TMF1: variants seen among roughly 807,000 people sequenced by gnomAD.
The protein encoded by TMF1 is TATA element modulatory factor 1.
A neutral mutation model predicts 126.5 loss-of-function variants in TMF1; 71 were observed. The observed-to-expected ratio is 0.56, with a 90% CI of 0.46 to 0.68. The LOEUF (loss-of-function observed/expected upper bound fraction) is 0.68. TMF1 is among the 30% of genes least tolerant of loss of function. The probability of loss-of-function intolerance (pLI) is 0.00; values close to 1 mark genes in which losing one functional copy is unlikely to be tolerated. For synonymous variants in TMF1, 461 were observed against 430.5 expected (o/e 1.07, Z -0.88); for missense variants, 1,259 against 1,253.2 (o/e 1.00, Z -0.07).
chr3:69,045,443 A>G (rs2091890278), intron 2 of TMF1, among the ~76,000 whole-genome samples: 1 of 151,816 alleles, frequency 6.6e-6, no homozygotes, highest in Admixed American at 6.6e-5. Flanking sequence ...AGCCTGGGTG[A>G]CAAGAGTGAA....
At chr3:69,036,250 C>G (rs571425605) in intron 8 of TMF1, among the ~76,000 whole-genome samples, 1 of 146,650 alleles carries the variant, frequency 6.8e-6, no homozygotes, top group Non-Finnish European at 1.5e-5. Context: ...CTATCATTTA[C>G]GTAAAAAGGA....
intron 4 of TMF1, 27 bp downstream of exon 4, chr3:69,043,719 TTTAA>T: frequency 6.4e-6 from 10 of 1,572,098 alleles, no homozygotes; most frequent in Non-Finnish European, 8.7e-6. Context: ...CTCTATAGAG[TTTAA>T]TTAATATTAC....
chr3:69,026,222 A>C, intron 13 of TMF1, 125 bp from the exon 14 acceptor site: 1 of 571,566 alleles, frequency 1.7e-6, no homozygotes, highest in Middle Eastern at 2.8e-4. Flanking sequence ...ACTACAAAGG[A>C]ATTCAATACA....
At chr3:69,023,504 GA>G (rs368236966) in intron 16 of TMF1, among the ~76,000 whole-genome samples, 184 bp from the exon 17 acceptor site, 6 of 151,858 alleles carry the variant, frequency 4.0e-5, no homozygotes, top group Non-Finnish European at 8.8e-5. Context: ...AGGAATTAAA[GA>G]AAAAAACCAA....
Position 69,021,254 on chromosome 3 carries a change from T to A in TMF1, c.*1923A>T, listed in dbSNP as rs570504697. 1.5e-4 allele frequency: 23 copies of A among 152,756 alleles called. No homozygotes were observed. Among genetic ancestry groups the A allele is most frequent in the African/African-American group, 4.6e-4 (19 of 41,574 alleles). 9.5% of individuals were successfully genotyped at this position (152,756 alleles called of 1,614,324 possible). ...GGTATATATGTATAGGAAAAAACAG[T>A]GTATAGAGGTGTCTATACTATCCAT... On this transcript the variant is annotated 3_prime_UTR_variant, in exon 17 of 17. Coordinates refer to ENST00000398559, the MANE Select transcript of TMF1 (RefSeq NM_007114.3).
chr3:69,044,643 G>T, intron 2 of TMF1, 48 bp from the exon 3 acceptor site: 2 of 1,293,998 alleles, frequency 1.5e-6, no homozygotes, highest in South Asian at 2.6e-5. Context: ...CTTTAAAAAA[G>T]ACCATTTTTA....
chr3:69,040,991 A>T lies in TMF1; in HGVS notation c.1685-1298T>A, dbSNP rs562200198. ...TAATACCCTTTTGTGAAATGTAAAT[A>T]CTCTGTGAATATAAAATACTCCCAT... On this transcript the variant is annotated intron_variant, in intron 5 of 16. Transcript: ENST00000398559. Among the ~76,000 whole-genome samples the T allele has an allele frequency of 1.1e-4, 16 of 152,116 alleles. No individual in the cohort carries two copies. In the East Asian group the frequency reaches 2.3e-3, roughly 22 times the overall value.
chr3:69,045,032 T>C (rs1048858621), intron 2 of TMF1, among the ~76,000 whole-genome samples: 18 of 152,196 alleles, frequency 1.2e-4, no homozygotes, highest in African/African-American at 4.1e-4. Context: ...ATGGATGCAA[T>C]CAAAAGAGGT....
chr3:69,043,893 AT>A lies in TMF1; in HGVS notation c.1452-18del, dbSNP rs1184240691. 6.3e-7 allele frequency: 1 copy of A among 1,588,608 alleles called. No individual in the cohort carries two copies. Among genetic ancestry groups the A allele is most frequent in the African/African-American group, 1.4e-5 (1 of 73,586 alleles). ...AACATTTCACTAAATTTAAAATAAT[AT>A]TTGAGAATGAGGATGGTGTCTATAT... On this transcript the variant is annotated intron_variant, in intron 3 of 16. Coordinates refer to ENST00000398559, the MANE Select transcript of TMF1 (RefSeq NM_007114.3).
Position 69,048,084 on chromosome 3 carries a change from CAT to C in TMF1, c.619_620del (p.Met207GlyfsTer5). 2 of 1,614,154 alleles carry C rather than the reference CAT, an allele frequency of 1.2e-6. No homozygotes were observed. Among genetic ancestry groups the C allele is most frequent in the Non-Finnish European group, 1.7e-6 (2 of 1,180,030 alleles). ...SESVIDVKTT[M>X]ESISNTSTQS... Reference sequence around the variant, plus strand: ...GCGTAGACGTATTAGATATACTTTCCATAGTTGTTTTCACATCAATTACACTT... The same window carrying C: ...GCGTAGACGTATTAGATATACTTTCCAGTTGTTTTCACATCAATTACACTT... On this transcript the variant is annotated frameshift_variant, in exon 2 of 17. Transcript: ENST00000398559. LOFTEE classifies it high-confidence loss of function.
In TMF1 at chr3:69,038,607, G is replaced by A; in HGVS notation, c.2108C>T (p.Ala703Val). Residue 703 changes from alanine to valine, a missense_variant, in exon 8 of 17, where the codon GCC becomes GTC. Ala to Val is a moderately conservative substitution (Grantham distance 64). Transcript: ENST00000398559. ...KEELSAALEK[A>V]QEEARQQQET... Reference sequence around the variant, plus strand: ...TTGCTGCTGACGGGCTTCTTCTTGGGCCTTCTCTAATGCTGCAGAAAGTTC... The same window carrying A: ...TTGCTGCTGACGGGCTTCTTCTTGGACCTTCTCTAATGCTGCAGAAAGTTC... The A allele has an allele frequency of 6.2e-7, 1 of 1,614,000 alleles. No individual in the cohort carries two copies. The highest frequency in any genetic ancestry group is 8.5e-7 in the Non-Finnish European group (1 of 1,179,964).
At position 69,038,878 on chromosome 3, in the gene TMF1, G is replaced by A. The variant is rs2091847509; in HGVS notation, c.1959C>T (p.Asn653=). The A allele has an allele frequency of 6.2e-7, 1 of 1,610,590 alleles. No homozygotes were observed. The highest frequency in any genetic ancestry group is 8.5e-7 in the Non-Finnish European group (1 of 1,178,812). The change falls in exon 7 of 17, where the codon AAC becomes AAT. Residue 653 remains asparagine (N), a synonymous_variant. Coordinates refer to ENST00000398559, the MANE Select transcript of TMF1 (RefSeq NM_007114.3). ...TATCCAGGGCAGCCTGAATACTTCG[G>A]TTCTTTTCTTCAAGTTCATCCATGT... ...QVDMDELEEK[N]RSIQAALDSA... is the part of the protein sequence containing the mutation.
chr3:69,035,817 T>C (rs771201238), intron 8 of TMF1, among the ~76,000 whole-genome samples: 1 of 152,192 alleles, frequency 6.6e-6, no homozygotes, highest in African/African-American at 2.4e-5. Flanking sequence ...AAATAACACG[T>C]AAGACATCAA....
At chr3:69,039,844 C>A in intron 5 of TMF1, 151 bp from the exon 6 acceptor site, 2 of 817,730 alleles carry the variant, frequency 2.4e-6, no homozygotes, top group Admixed American at 3.3e-5. Flanking sequence ...GGACAGCAAT[C>A]ATCAATGAAT....
intron 5 of TMF1, 22 bp downstream of exon 5, chr3:69,042,785 G>C (rs930115812): frequency 6.3e-7 from 1 of 1,576,528 alleles, no homozygotes; most frequent in Non-Finnish European, 8.7e-7. Context: ...ATTTTTCATA[G>C]TCAACCAAAT....
chr3:69,036,266 G>T (rs536864877), intron 8 of TMF1, among the ~76,000 whole-genome samples: 1 of 151,356 alleles, frequency 6.6e-6, no homozygotes, highest in Non-Finnish European at 1.5e-5. Context: ...AAGGATGTAG[G>T]AGATAGAAAT....
At position 69,038,564 on chromosome 3, in the gene TMF1, T is replaced by C. The variant is rs752311118; in HGVS notation, c.2151A>G (p.Gln717=). The C allele has an allele frequency of 1.3e-5, 21 of 1,611,906 alleles. No homozygotes were observed. Among genetic ancestry groups the C allele is most frequent in the Non-Finnish European group, 1.7e-5 (20 of 1,179,496 alleles). ...ARQQQETLAI[Q]VGDLRLALQR... ...CTCTAATTCATCATCCATTGCTTAC[T>C]TGAATGGCTAATGTTTCTTGCTGCT... The change falls in exon 8 of 17, where the codon CAA becomes CAG. Residue 717 remains glutamine (Q), a splice_region_variant and synonymous_variant. Transcript: ENST00000398559.
chr3:69,041,734 TA>T lies in TMF1; in HGVS notation c.1684+1072del, dbSNP rs954348781. 1.6e-4 allele frequency among the ~76,000 whole-genome samples: 24 copies of T among 152,202 alleles called. 1 individual carries two copies. The highest frequency in any genetic ancestry group is 3.1e-4 in the African/African-American group (13 of 41,558). ...ATCTTAAATATGTTTAAAAATGCAT[TA>T]AAAAATACATTAAAACTAGAAAAAA... On this transcript the variant is annotated intron_variant, in intron 5 of 16. Coordinates refer to ENST00000398559, the MANE Select transcript of TMF1 (RefSeq NM_007114.3).
chr3:69,046,350 T>C (rs1214172419), intron 2 of TMF1, among the ~76,000 whole-genome samples: 2 of 152,146 alleles, frequency 1.3e-5, no homozygotes, highest in Non-Finnish European at 2.9e-5. Context: ...TCACTTACCT[T>C]CTTAAATACA....
Sources: gnomAD v4.1 joint callset for allele counts (sites outside exome capture counted in the v4.1 genomes callset) on GRCh38, gnomAD v4.1.1 for gene constraint, MANE v1.5 for transcripts, NCBI Gene and HGNC (gene_info 2026-07-23, HGNC 2026-07-21) for gene names.